Variants in CDH23 observed in about 807,000 individuals in gnomAD.
The protein encoded by CDH23 is cadherin related 23.
CDH23 carries 189 observed loss-of-function variants against 317.1 expected under a neutral mutation model. That is an observed-to-expected ratio of 0.60 (90% CI 0.53 to 0.67). The LOEUF is 0.67. Ranked by LOEUF, CDH23 falls within the 30% of genes least tolerant of loss-of-function variation. The probability of loss-of-function intolerance (pLI) is 0.00; values close to 1 mark genes in which losing one functional copy is unlikely to be tolerated. For missense variants in CDH23, 4,401 were observed against 4,592.4 expected (o/e 0.96, Z 1.20); for synonymous variants, 1,839 against 1,876.8 (o/e 0.98, Z 0.52).
chr10:71,753,352 C>A (rs191300183), intron 38 of CDH23, among the ~76,000 whole-genome samples: 1 of 152,354 alleles, frequency 6.6e-6, no homozygotes, highest in South Asian at 2.1e-4. Flanking sequence ...ATTTAAGTAT[C>A]GAGCAAAGGT....
At chr10:71,434,785 G>A (rs1470221493) in intron 1 of CDH23, among the ~76,000 whole-genome samples, 1 of 152,136 alleles carries the variant, frequency 6.6e-6, no homozygotes. Flanking sequence ...TGAGGAGGGG[G>A]GAGACTTGCT....
intron 46 of CDH23, 123 bp from the exon 47 acceptor site, chr10:71,791,009 C>T: frequency 5.3e-6 from 4 of 748,754 alleles, no homozygotes; most frequent in South Asian, 1.7e-5. Flanking sequence ...GCCTCTGCTC[C>T]TCTTTCATCT....
At chr10:71,544,998 C>A (rs561252499) in intron 6 of CDH23, among the ~76,000 whole-genome samples, 3 of 152,086 alleles carry the variant, frequency 2.0e-5, no homozygotes, top group East Asian at 3.9e-4. Context: ...AGTCAGTCCC[C>A]GACCCCAACC....
intron 6 of CDH23, among the ~76,000 whole-genome samples, chr10:71,515,394 T>TCTCTCTCTCTCTCTCTCTCTCA (rs1491490493): frequency 3.8e-5 from 1 of 26,628 alleles, no homozygotes; most frequent in Admixed American, 4.2e-4. Flanking sequence ...TCTCTCTCTC[T>TCTCTCTCTCTCTCTCTCTCTCA]CACACACACA....
rs200189378 is a variant in CDH23, at chr10:71,760,848, G to C, written c.4846-16832G>C. On this transcript the variant is annotated intron_variant, in intron 38 of 69. Transcript: ENST00000224721. ...GAAGAAAACAGAGAACCCAAAAGGG[G>C]CAAGAGGTTGGTCCCTTACTTTCAC... is the stretch of plus-strand genomic sequence containing the variant. The C allele has an allele frequency of 1.9e-6, 3 of 1,608,038 alleles. No homozygotes were observed. In the African/African-American group the frequency reaches 4.0e-5, roughly 21 times the overall value.
At chr10:71,506,215 G>T (rs923912379) in intron 3 of CDH23, among the ~76,000 whole-genome samples, 1 of 152,196 alleles carries the variant, frequency 6.6e-6, no homozygotes, top group African/African-American at 2.4e-5. Flanking sequence ...TGGATTCGTG[G>T]TTGCCAGGGC....
chr10:71,529,522 C>G (rs1008983077), intron 6 of CDH23, among the ~76,000 whole-genome samples: 1 of 152,124 alleles, frequency 6.6e-6, no homozygotes, highest in Non-Finnish European at 1.5e-5. Flanking sequence ...TTTCATGGAG[C>G]TTTGCACTCA....
chr10:71,554,679 C>T (rs956510439), intron 6 of CDH23, among the ~76,000 whole-genome samples: 1 of 151,986 alleles, frequency 6.6e-6, no homozygotes, highest in Non-Finnish European at 1.5e-5. Context: ...TCGTATCATT[C>T]CCTGGATTTT....
At chr10:71,769,806 G>A (rs1238187063) in intron 38 of CDH23, among the ~76,000 whole-genome samples, 3 of 152,246 alleles carry the variant, frequency 2.0e-5, no homozygotes, top group Non-Finnish European at 4.4e-5. Flanking sequence ...TTGGATTACT[G>A]ATGAGAAAGA....
At chr10:71,627,365 C>T (rs2132544096) in intron 11 of CDH23, among the ~76,000 whole-genome samples, 1 of 81,086 alleles carries the variant, frequency 1.2e-5, no homozygotes, top group Non-Finnish European at 2.5e-5. Context: ...CAGTGAGGCC[C>T]TTATTGTGAT....
chr10:71,792,275 T>C (rs1383280059), intron 47 of CDH23, among the ~76,000 whole-genome samples: 1 of 152,088 alleles, frequency 6.6e-6, no homozygotes, highest in African/African-American at 2.4e-5. Flanking sequence ...ATAATAATAA[T>C]GTAATATTTA....
intron 1 of CDH23, among the ~76,000 whole-genome samples, chr10:71,431,299 G>A (rs184733444): frequency 2.6e-5 from 4 of 152,190 alleles, no homozygotes; most frequent in Admixed American, 1.3e-4. Flanking sequence ...GTCTCAGGTC[G>A]TGCCCTGCCT....
chr10:71,663,899 G>T (rs527238600), intron 14 of CDH23, among the ~76,000 whole-genome samples: 10 of 152,104 alleles, frequency 6.6e-5, no homozygotes, highest in Non-Finnish European at 1.3e-4. Flanking sequence ...TACTCTGGAG[G>T]CTAAGGCATG....
chr10:71,463,584 G>T (rs1297976547), intron 3 of CDH23, among the ~76,000 whole-genome samples: 1 of 152,200 alleles, frequency 6.6e-6, no homozygotes, highest in Non-Finnish European at 1.5e-5. Flanking sequence ...TGAAGGGAGG[G>T]TGGGGGAAGT....
At chr10:71,629,762 C>G (rs1009845317) in intron 11 of CDH23, among the ~76,000 whole-genome samples, 1 of 152,080 alleles carries the variant, frequency 6.6e-6, no homozygotes, top group Non-Finnish European at 1.5e-5. Context: ...TGGGAAACAT[C>G]CAGAAGAGGC....
At chr10:71,441,015 A>C (rs536528893) in intron 2 of CDH23, among the ~76,000 whole-genome samples, 34 of 152,132 alleles carry the variant, frequency 2.2e-4, no homozygotes, top group Admixed American at 2.0e-3. Flanking sequence ...AGGGATCCCT[A>C]CTGGAATCCC....
chr10:71,532,698 T>C (rs1855445620), intron 6 of CDH23, among the ~76,000 whole-genome samples: 1 of 100,832 alleles, frequency 9.9e-6, no homozygotes, highest in Non-Finnish European at 2.0e-5. Flanking sequence ...TTGGCAAGTT[T>C]TCTTTTGTTT....
chr10:71,778,252 G>A lies in CDH23; in HGVS notation c.5131G>A (p.Val1711Ile), dbSNP rs181611778. Reference sequence around the variant, plus strand: ...CAGCCACGGCCGCTACACCCTGATCGTCACTGCCACAGACCAGTGCCCCAT... The same window carrying A: ...CAGCCACGGCCGCTACACCCTGATCATCACTGCCACAGACCAGTGCCCCAT... ...EISHGRYTLI[V>I]TATDQCPILS... The change falls in exon 40 of 70, where the codon GTC becomes ATC. Residue 1711 changes from valine (V) to isoleucine (I), a missense_variant. By Grantham distance (29) the Val-to-Ile change is conservative. Transcript: ENST00000224721. 244 of 1,613,738 alleles carry A rather than the reference G, an allele frequency of 1.5e-4. No individual in the cohort carries two copies. The East Asian group carries it at 1.8e-3, about 12-fold the overall frequency.
At chr10:71,603,794 C>T (rs908837697) in intron 9 of CDH23, among the ~76,000 whole-genome samples, 3 of 152,226 alleles carry the variant, frequency 2.0e-5, no homozygotes, top group Admixed American at 1.3e-4. Flanking sequence ...CACTTAGTAA[C>T]CATGTATCCT....
Sources: gnomAD v4.1 joint callset for allele counts (sites outside exome capture counted in the v4.1 genomes callset) on GRCh38, gnomAD v4.1.1 for gene constraint, MANE v1.5 for transcripts, NCBI Gene and HGNC (gene_info 2026-07-23, HGNC 2026-07-21) for gene names.